Variants in IL1RAPL2 observed in about 807,000 individuals in gnomAD.
IL1RAPL2 encodes the protein interleukin 1 receptor accessory protein like 2, also known as X-linked interleukin-1 receptor accessory protein-like 2.
In IL1RAPL2, 3 loss-of-function variants were observed where a neutral mutation model predicts 44.1. The ratio of observed to expected loss-of-function variants is 0.07; its 90% confidence interval spans 0.03 to 0.18. The LOEUF (loss-of-function observed/expected upper bound fraction) is 0.18, where lower values mean the gene tolerates loss of function less well. IL1RAPL2 is among the 10% of genes least tolerant of loss of function. IL1RAPL2 has a pLI of 1.00. For missense variants in IL1RAPL2, 391 were observed against 496.4 expected, an observed-to-expected ratio of 0.79 and a Z score of 2.02; for synonymous variants, 181 against 178.8, an observed-to-expected ratio of 1.01 and a Z score of -0.10.
At chrX:105,326,740 A>G (rs1045110751) in intron 5 of IL1RAPL2, among the ~76,000 whole-genome samples, 2 of 111,721 alleles carry the variant, frequency 1.8e-5, no homozygotes, top group Non-Finnish European at 3.8e-5. Flanking sequence ...CTATACGTCT[A>G]TCCTTATGCC....
At chrX:105,467,644 G>T (rs754305218) in intron 5 of IL1RAPL2, among the ~76,000 whole-genome samples, 6 of 111,316 alleles carry the variant, frequency 5.4e-5, no homozygotes, top group Non-Finnish European at 1.1e-4. Flanking sequence ...CTTTCTTACT[G>T]CTCCTCTATT....
chrX:105,021,965 C>T (rs182831477), intron 2 of IL1RAPL2, among the ~76,000 whole-genome samples: 23 of 110,933 alleles, frequency 2.1e-4, no homozygotes, highest in African/African-American at 7.5e-4. Flanking sequence ...GCATTCACAT[C>T]AACCATATAA....
At chrX:104,623,266 C>A (rs1465143940) in intron 1 of IL1RAPL2, among the ~76,000 whole-genome samples, 1 of 110,206 alleles carries the variant, frequency 9.1e-6, no homozygotes, top group Non-Finnish European at 1.9e-5. Context: ...TATTTGGCTT[C>A]ATATGCCTTG....
chrX:105,226,087 A>G (rs1377276653), intron 3 of IL1RAPL2, among the ~76,000 whole-genome samples: 2 of 111,818 alleles, frequency 1.8e-5, no homozygotes, highest in African/African-American at 6.5e-5. Flanking sequence ...CAAAGGGCCG[A>G]CATGCTTATG....
intron 6 of IL1RAPL2, among the ~76,000 whole-genome samples, chrX:105,513,722 C>T (rs1359785350): frequency 2.7e-5 from 3 of 111,169 alleles, no homozygotes; most frequent in African/African-American, 9.8e-5. Flanking sequence ...TATGGGCTGC[C>T]TGTTCACTCT....
At chrX:105,018,957 C>T (rs1252321403) in intron 2 of IL1RAPL2, among the ~76,000 whole-genome samples, 1 of 111,453 alleles carries the variant, frequency 9.0e-6, no homozygotes, top group Non-Finnish European at 1.9e-5. Context: ...GAGATTGGAG[C>T]CTCTCAGAGT....
chrX:104,689,327 G>A (rs750712566), intron 2 of IL1RAPL2, among the ~76,000 whole-genome samples: 17 of 111,381 alleles, frequency 1.5e-4, no homozygotes, highest in Non-Finnish European at 2.6e-4. Flanking sequence ...AACCAAATGA[G>A]GCACATGCTT....
chrX:105,531,455 C>G (rs1196035028), intron 6 of IL1RAPL2, among the ~76,000 whole-genome samples: 1 of 111,625 alleles, frequency 9.0e-6, no homozygotes, highest in South Asian at 3.7e-4. Flanking sequence ...GGTTATTAAT[C>G]CCTTGCCAGA....
intron 6 of IL1RAPL2, among the ~76,000 whole-genome samples, chrX:105,561,619 A>C (rs1401080140): frequency 9.0e-6 from 1 of 111,551 alleles, no homozygotes; most frequent in Non-Finnish European, 1.9e-5. Flanking sequence ...CTGCCATTTG[A>C]AGGTCATGCA....
chrX:105,150,718 A>T (rs1353552158), intron 2 of IL1RAPL2, among the ~76,000 whole-genome samples: 1 of 111,835 alleles, frequency 8.9e-6, no homozygotes, highest in Non-Finnish European at 1.9e-5. Flanking sequence ...TCTGTCACGG[A>T]TCTTAATAAA....
chrX:105,004,736 C>T (rs1044972011), intron 2 of IL1RAPL2, among the ~76,000 whole-genome samples: 2 of 110,756 alleles, frequency 1.8e-5, no homozygotes, highest in Non-Finnish European at 3.8e-5. Context: ...CCTATTTTCA[C>T]CTATTTTTAA....
intron 10 of IL1RAPL2, 46 bp downstream of exon 10, chrX:105,755,393 G>A (rs2147590357): frequency 1.0e-6 from 1 of 990,460 alleles, no homozygotes; most frequent in East Asian, 3.1e-5. Flanking sequence ...GTTTCTTTTA[G>A]GATGTTATGT....
intron 2 of IL1RAPL2, among the ~76,000 whole-genome samples, chrX:105,170,825 T>C (rs2033416804): frequency 1.8e-5 from 2 of 112,383 alleles, no homozygotes; most frequent in Admixed American, 1.9e-4. Context: ...AGGATTTCGA[T>C]GAAGCCCTGC....
intron 1 of IL1RAPL2, among the ~76,000 whole-genome samples, chrX:104,630,746 T>G (rs1408973221): frequency 1.8e-5 from 2 of 111,903 alleles, no homozygotes; most frequent in Non-Finnish European, 3.8e-5. Flanking sequence ...CTTTGGGTAC[T>G]GTGGTCATTT....
At chrX:105,020,225 T>C (rs903882712) in intron 2 of IL1RAPL2, among the ~76,000 whole-genome samples, 2 of 111,002 alleles carry the variant, frequency 1.8e-5, no homozygotes, top group African/African-American at 6.6e-5. Context: ...CCTCAAAAGA[T>C]TCTTTCATCT....
chrX:105,596,188 TCTTTTA>T (rs2037208573), intron 6 of IL1RAPL2, among the ~76,000 whole-genome samples: 1 of 111,260 alleles, frequency 9.0e-6, no homozygotes, highest in South Asian at 3.8e-4. Flanking sequence ...TGTAGTTGGT[TCTTTTA>T]CTTTTGCTAT....
chrX:105,485,711 C>T (rs2036261552), intron 6 of IL1RAPL2, among the ~76,000 whole-genome samples: 1 of 111,678 alleles, frequency 9.0e-6, no homozygotes, highest in African/African-American at 3.3e-5. Context: ...GTGTGAAATT[C>T]GTCTTTCTGT....
intron 5 of IL1RAPL2, among the ~76,000 whole-genome samples, chrX:105,433,217 C>T (rs368779586): frequency 9.1e-6 from 1 of 109,773 alleles, no homozygotes; most frequent in Non-Finnish European, 1.9e-5. Context: ...TGGGAAAAAA[C>T]CCCACATTTC....
intron 2 of IL1RAPL2, among the ~76,000 whole-genome samples, chrX:104,717,782 T>A (rs1424838854): frequency 3.1e-5 from 3 of 95,495 alleles, no homozygotes; most frequent in Admixed American, 2.3e-4. Context: ...CAGTCCCCGG[T>A]GTGTGATGTT....
Sources: gnomAD v4.1 joint callset for allele counts (sites outside exome capture counted in the v4.1 genomes callset) on GRCh38, gnomAD v4.1.1 for gene constraint, MANE v1.5 for transcripts, NCBI Gene and HGNC (gene_info 2026-07-23, HGNC 2026-07-21) for gene names.